FSTL5: variants seen among roughly 807,000 people sequenced by gnomAD.
FSTL5 encodes the protein follistatin-related protein 5.
FSTL5 carries 62 observed loss-of-function variants against 89.1 expected under a neutral mutation model. The ratio of observed to expected loss-of-function variants is 0.70; its 90% CI spans 0.57 to 0.86. FSTL5 has a LOEUF of 0.86. Among genes scored for constraint, FSTL5 ranks in the 40% least tolerant of loss-of-function variants. The probability of loss-of-function intolerance (pLI) is 0.00; values close to 1 mark genes in which losing one functional copy is unlikely to be tolerated. For missense variants in FSTL5, 1,057 were observed against 1,001.6 expected (o/e 1.06, Z -0.75); for synonymous variants, 383 against 346.2 (o/e 1.11, Z -1.18).
chr4:161,534,253 T>A (rs777894505), intron 10 of FSTL5, among the ~76,000 whole-genome samples: 1 of 152,016 alleles, frequency 6.6e-6, no homozygotes, highest in African/African-American at 2.4e-5. Context: ...GAGAAAGAAA[T>A]AAAAGACATC....
intron 4 of FSTL5, among the ~76,000 whole-genome samples, chr4:161,901,305 T>C (rs997187391): frequency 6.6e-6 from 1 of 152,112 alleles, no homozygotes; most frequent in Non-Finnish European, 1.5e-5. Flanking sequence ...ATTTGAGTCC[T>C]GAGTGAAGTG....
intron 6 of FSTL5, among the ~76,000 whole-genome samples, chr4:161,671,739 C>T (rs978744003): frequency 6.6e-6 from 1 of 152,078 alleles, no homozygotes; most frequent in Non-Finnish European, 1.5e-5. Flanking sequence ...TGAATTTCTA[C>T]AACTGTAACA....
intron 7 of FSTL5, among the ~76,000 whole-genome samples, chr4:161,633,291 T>TTA (rs1735562455): frequency 2.8e-5 from 4 of 140,718 alleles, no homozygotes; most frequent in East Asian, 2.1e-4. Flanking sequence ...ACTAATTCTT[T>TTA]TTATTATTAT....
chr4:162,096,891 A>G (rs1221895616), intron 2 of FSTL5, among the ~76,000 whole-genome samples: 1 of 151,970 alleles, frequency 6.6e-6, no homozygotes, highest in Non-Finnish European at 1.5e-5. Context: ...TTGAATCTAT[A>G]TTAACACTTG....
chr4:161,799,017 T>C (rs1212283695), intron 4 of FSTL5, among the ~76,000 whole-genome samples: 1 of 151,676 alleles, frequency 6.6e-6, no homozygotes, highest in Non-Finnish European at 1.5e-5. Flanking sequence ...AGGTTTGATA[T>C]TAAGACTACT....
intron 14 of FSTL5, among the ~76,000 whole-genome samples, chr4:161,458,217 A>G (rs1376082402): frequency 6.6e-6 from 1 of 152,150 alleles, no homozygotes; most frequent in Non-Finnish European, 1.5e-5. Flanking sequence ...CAGGTAGCCA[A>G]CTCACAGAAT....
At chr4:161,575,647 T>C (rs1578938428) in intron 8 of FSTL5, among the ~76,000 whole-genome samples, 1 of 151,920 alleles carries the variant, frequency 6.6e-6, no homozygotes, top group South Asian at 2.1e-4. Flanking sequence ...AGAGACAGGG[T>C]TTCACCATCT....
intron 8 of FSTL5, among the ~76,000 whole-genome samples, chr4:161,587,250 C>G (rs543041998): frequency 6.7e-6 from 1 of 149,848 alleles, no homozygotes; most frequent in Non-Finnish European, 1.5e-5. Flanking sequence ...TATTTTATAA[C>G]AAAAATAGTA....
chr4:161,884,905 T>C (rs926916386), intron 4 of FSTL5, among the ~76,000 whole-genome samples: 1 of 152,166 alleles, frequency 6.6e-6, no homozygotes, highest in African/African-American at 2.4e-5. Context: ...CAGGAAAATT[T>C]AGATGAATTA....
intron 4 of FSTL5, among the ~76,000 whole-genome samples, chr4:161,887,312 GTC>G (rs1579169268): frequency 6.6e-6 from 1 of 152,024 alleles, no homozygotes; most frequent in East Asian, 1.9e-4. Flanking sequence ...TCATAATTCA[GTC>G]ATATCTCTAG....
chr4:162,006,096 C>CT (rs879594907), intron 3 of FSTL5, among the ~76,000 whole-genome samples: 11 of 151,666 alleles, frequency 7.3e-5, no homozygotes, highest in South Asian at 2.1e-4. Flanking sequence ...ATAACATAGG[C>CT]TTTTTTTTTA....
At chr4:161,996,239 G>A (rs920495103) in intron 3 of FSTL5, among the ~76,000 whole-genome samples, 1 of 152,176 alleles carries the variant, frequency 6.6e-6, no homozygotes, top group African/African-American at 2.4e-5. Context: ...TTAACCATAA[G>A]CTATCTGACT....
intron 3 of FSTL5, among the ~76,000 whole-genome samples, chr4:161,992,558 G>A (rs1257712410): frequency 3.3e-5 from 5 of 151,746 alleles, no homozygotes; most frequent in Non-Finnish European, 2.9e-5. Flanking sequence ...TGCAAGTAGT[G>A]GAAGCAGGGC....
At chr4:161,927,579 ATTTT>A (rs1035707098) in intron 3 of FSTL5, among the ~76,000 whole-genome samples, 59 of 151,820 alleles carry the variant, frequency 3.9e-4, no homozygotes, top group Non-Finnish European at 5.2e-4. Context: ...GGAATATTAT[ATTTT>A]TTAAGTTTTA....
Position 162,035,893 on chromosome 4 carries a change from C to G in FSTL5, c.127-2235G>C, listed in dbSNP as rs1358070124. Among the ~76,000 whole-genome samples, 5 of 152,060 alleles carry G rather than the reference C, an allele frequency of 3.3e-5. 1 individual carries two copies. The highest frequency in any genetic ancestry group is 9.7e-5 in the African/African-American group (4 of 41,436). On this transcript the variant is annotated intron_variant, in intron 2 of 15. Transcript: ENST00000306100. Reference sequence around the variant, plus strand: ...TAAAGTTTTGCTGTGAGAGAGCCAACAAAGATGACTCCAAGGGTCTGAGCT... The same window carrying G: ...TAAAGTTTTGCTGTGAGAGAGCCAAGAAAGATGACTCCAAGGGTCTGAGCT...
chr4:162,013,543 T>C (rs1452163782), intron 3 of FSTL5, among the ~76,000 whole-genome samples: 1 of 151,866 alleles, frequency 6.6e-6, no homozygotes, highest in Non-Finnish European at 1.5e-5. Flanking sequence ...TCTCTGAGAG[T>C]AGAATTTGGG....
intron 3 of FSTL5, among the ~76,000 whole-genome samples, chr4:161,980,614 T>C (rs911038720): frequency 2.0e-5 from 3 of 152,064 alleles, no homozygotes; most frequent in Admixed American, 6.6e-5. Context: ...CTATATCATA[T>C]AGAAATTAAG....
intron 2 of FSTL5, among the ~76,000 whole-genome samples, chr4:162,092,372 T>C (rs934576424): frequency 2.0e-5 from 3 of 152,188 alleles, no homozygotes; most frequent in African/African-American, 7.2e-5. Context: ...AAAATATTTT[T>C]CTACAAGTTT....
At chr4:162,117,108 A>G (rs1731673490) in intron 1 of FSTL5, among the ~76,000 whole-genome samples, 1 of 152,224 alleles carries the variant, frequency 6.6e-6, no homozygotes, top group Admixed American at 6.5e-5. Flanking sequence ...GCAGCAGAAA[A>G]GAGCTGTAAA....
Sources: allele counts gnomAD v4.1 joint callset (sites outside exome capture counted in the v4.1 genomes callset), GRCh38; gene constraint gnomAD v4.1.1; transcripts MANE v1.5; gene names NCBI Gene and HGNC (gene_info 2026-07-23, HGNC 2026-07-21).